Variants in DPP6 observed in about 807,000 individuals in gnomAD.
DPP6 encodes dipeptidyl peptidase like 6.
DPP6 carries 69 observed loss-of-function variants against 122.6 expected under a neutral mutation model. The observed-to-expected ratio is 0.56, with a 90% CI of 0.46 to 0.69. The LOEUF is 0.69. Ranked by LOEUF, DPP6 falls within the 30% of genes least tolerant of loss-of-function variation. The pLI is 0.00. For synonymous variants in DPP6, 418 were observed against 433.1 expected (o/e 0.97, Z 0.43); for missense variants, 928 against 1,116.9 (o/e 0.83, Z 2.41).
intron 1 of DPP6, among the ~76,000 whole-genome samples, chr7:154,008,002 G>A (rs927773898): frequency 1.3e-5 from 2 of 152,188 alleles, no homozygotes; most frequent in African/African-American, 2.4e-5. Flanking sequence ...TGTCCTCCCG[G>A]ATGTTCAGAA....
intron 5 of DPP6, among the ~76,000 whole-genome samples, chr7:154,589,667 T>TA (rs780450288): frequency 5.9e-5 from 9 of 152,206 alleles, no homozygotes; most frequent in East Asian, 3.8e-4. Flanking sequence ...TAAAATTACA[T>TA]AGGCCATATG....
chr7:153,986,547 G>A (rs1300942722), intron 1 of DPP6, among the ~76,000 whole-genome samples: 2 of 152,126 alleles, frequency 1.3e-5, no homozygotes, highest in African/African-American at 4.8e-5. Flanking sequence ...ACTCATTAGA[G>A]GATGCATGCA....
chr7:154,206,636 C>T (rs1024779777), intron 1 of DPP6, among the ~76,000 whole-genome samples: 7 of 152,208 alleles, frequency 4.6e-5, no homozygotes, highest in South Asian at 2.1e-4. Context: ...TAAAGTTGAC[C>T]GCTTTCTCAA....
intron 1 of DPP6, among the ~76,000 whole-genome samples, chr7:154,401,905 A>C (rs1815641933): frequency 6.6e-6 from 1 of 152,206 alleles, no homozygotes; most frequent in Admixed American, 6.5e-5. Flanking sequence ...TTACAAGAAA[A>C]AAACAAACAA....
chr7:154,221,388 A>G (rs1274718172), intron 1 of DPP6, among the ~76,000 whole-genome samples: 9 of 151,944 alleles, frequency 5.9e-5, no homozygotes, highest in Non-Finnish European at 1.3e-4. Context: ...TGATCCACCC[A>G]CTTCGGCCTC....
intron 1 of DPP6, among the ~76,000 whole-genome samples, chr7:153,923,233 T>C (rs1800726457): frequency 6.6e-6 from 1 of 152,190 alleles, no homozygotes; most frequent in Admixed American, 6.5e-5. Context: ...TTGAAAATTA[T>C]TGCCTGTTAG....
chr7:154,767,669 C>A (rs955151), intron 8 of DPP6, among the ~76,000 whole-genome samples: 1 of 151,992 alleles, frequency 6.6e-6, no homozygotes, highest in Non-Finnish European at 1.5e-5. Flanking sequence ...GGCTGTTGTG[C>A]CCCTAGCTTT....
chr7:154,636,833 A>G (rs1475921679), intron 5 of DPP6, among the ~76,000 whole-genome samples: 1 of 152,100 alleles, frequency 6.6e-6, no homozygotes, highest in Non-Finnish European at 1.5e-5. Context: ...AAAGTACTCT[A>G]CCTTGGATAT....
chr7:154,199,888 G>A (rs1178219500), intron 1 of DPP6, among the ~76,000 whole-genome samples: 3 of 152,036 alleles, frequency 2.0e-5, no homozygotes, highest in Non-Finnish European at 4.4e-5. Context: ...GATTACAGGC[G>A]TGAGCCACCA....
chr7:154,639,422 G>T (rs148411010), intron 6 of DPP6, among the ~76,000 whole-genome samples: 1 of 152,174 alleles, frequency 6.6e-6, no homozygotes, highest in African/African-American at 2.4e-5. Flanking sequence ...GTCATGGCAG[G>T]CAGGACTATA....
the DPP6 span, among the ~76,000 whole-genome samples, chr7:153,833,136 T>C: frequency 2.0e-5 from 3 of 152,234 alleles, no homozygotes; most frequent in Non-Finnish European, 4.4e-5. Context: ...GCGAAAATGT[T>C]GATTGAATGA....
rs1260382629 is a variant in DPP6, at chr7:154,755,844, A to G, written c.884-13573A>G. Among the ~76,000 whole-genome samples the G allele has an allele frequency of 6.6e-6, 1 of 152,184 alleles. No homozygotes were observed. Among genetic ancestry groups the G allele is most frequent in the African/African-American group, 2.4e-5 (1 of 41,434 alleles). Reference sequence around the variant, plus strand: ...GTCCCAGGTCGGGAATGTTAGGACAAGGTGGCCTCTGTCTTCATCGTGTGT... The same window carrying G: ...GTCCCAGGTCGGGAATGTTAGGACAGGGTGGCCTCTGTCTTCATCGTGTGT... On this transcript the variant is annotated intron_variant, in intron 8 of 25. Coordinates refer to ENST00000377770, the MANE Select transcript of DPP6 (RefSeq NM_130797.4). The surrounding 1 kb of genome is among the most constrained non-coding windows in gnomAD (Gnocchi z 4.7).
At chr7:154,341,200 T>C (rs924970149) in intron 1 of DPP6, among the ~76,000 whole-genome samples, 7 of 152,140 alleles carry the variant, frequency 4.6e-5, no homozygotes, top group African/African-American at 1.7e-4. Flanking sequence ...ATAGGGTTTT[T>C]AAGAATGGGG....
chr7:154,124,363 T>G (rs1433792585), intron 1 of DPP6, among the ~76,000 whole-genome samples: 2 of 151,466 alleles, frequency 1.3e-5, no homozygotes, highest in Non-Finnish European at 2.9e-5. Context: ...GGTGAGAGCA[T>G]GAGAGGGACA....
At chr7:154,549,977 CTTTA>C (rs916378898) in intron 4 of DPP6, among the ~76,000 whole-genome samples, 8 of 151,918 alleles carry the variant, frequency 5.3e-5, no homozygotes, top group Admixed American at 2.0e-4. Flanking sequence ...CAAATAGCTC[CTTTA>C]TTTATAATTT....
intron 5 of DPP6, among the ~76,000 whole-genome samples, chr7:154,592,769 G>A (rs973581246): frequency 1.6e-4 from 24 of 152,156 alleles, no homozygotes; most frequent in African/African-American, 5.6e-4. Flanking sequence ...AGCAAACGGA[G>A]TGATGTTTGA....
chr7:154,803,189 C>T (rs774038623), intron 13 of DPP6, among the ~76,000 whole-genome samples: 4 of 152,238 alleles, frequency 2.6e-5, no homozygotes, highest in Admixed American at 6.5e-5. Flanking sequence ...CTGCGCCCAC[C>T]TCCCAGGGCA....
chr7:154,765,064 C>T (rs1434479014), intron 8 of DPP6, among the ~76,000 whole-genome samples: 1 of 152,224 alleles, frequency 6.6e-6, no homozygotes, highest in Non-Finnish European at 1.5e-5. Flanking sequence ...TGGGGACAAA[C>T]AAACCACTTC....
In DPP6 at chr7:154,052,792, A is replaced by C. The variant is rs1233810954; in HGVS notation, c.-29A>C. 2.7e-6 allele frequency: 4 copies of C among 1,478,320 alleles called. No individual in the cohort carries two copies. Among genetic ancestry groups the C allele is most frequent in the Non-Finnish European group, 2.7e-6 (3 of 1,108,376 alleles). The allele number at this position is 1,478,320 out of a possible 1,614,324, so 91.6% of individuals were successfully genotyped here. A position where few individuals can be genotyped will look rare whatever the true frequency, so the allele number is the denominator to read the frequency against. ...AGAAAGCAAAATATTAAAAAGCCCCAAAGACAGCCAGCAGGAGCGCGGTGC... is the reference window on the plus strand; with the variant it reads ...AGAAAGCAAAATATTAAAAAGCCCCCAAGACAGCCAGCAGGAGCGCGGTGC... On this transcript the variant is annotated 5_prime_UTR_variant, in exon 1 of 26. Transcript: ENST00000377770. This position sits in a 1 kb window ranked among gnomAD's most constrained non-coding sequence, Gnocchi z 4.8.
Sources: allele counts gnomAD v4.1 joint callset (sites outside exome capture counted in the v4.1 genomes callset), GRCh38; gene constraint gnomAD v4.1.1; non-coding constraint Gnocchi (gnomAD v3.1); transcripts MANE v1.5; gene names NCBI Gene and HGNC (gene_info 2026-07-23, HGNC 2026-07-21).